CDH17: variants seen among roughly 807,000 people sequenced by gnomAD.
CDH17 encodes cadherin 17, also known as cadherin-17.
CDH17 carries 67 observed loss-of-function variants against 86.3 expected under a neutral mutation model. The ratio of observed to expected loss-of-function variants is 0.78; its 90% CI spans 0.64 to 0.95. The LOEUF (loss-of-function observed/expected upper bound fraction) is 0.95. Ranked by LOEUF, CDH17 falls within the 40% of genes least tolerant of loss-of-function variation. CDH17 has a pLI of 0.00. For missense variants in CDH17, 993 were observed against 1,017.6 expected (o/e 0.98, Z 0.33); for synonymous variants, 367 against 366.4 (o/e 1.00, Z -0.02).
At chr8:94,180,855 A>C (rs1361318749) in intron 3 of CDH17, among the ~76,000 whole-genome samples, 1 of 151,662 alleles carries the variant, frequency 6.6e-6, no homozygotes, top group Non-Finnish European at 1.5e-5. Context: ...AGATTGTGCC[A>C]CTGCATTCCA....
At chr8:94,186,239 C>G (rs1014046609) in intron 3 of CDH17, among the ~76,000 whole-genome samples, 1 of 152,160 alleles carries the variant, frequency 6.6e-6, no homozygotes, top group Admixed American at 6.5e-5. Flanking sequence ...TTCTCTAAAT[C>G]TTTTGCTGTA....
rs1283723399 is a variant in CDH17 at position 94,170,691 on chromosome 8, G to A, written c.916-144C>T. Reference sequence around the variant, plus strand: ...TGGAAAATTTTAAAAACTGAGATGGGTCAGAATTATGTGAAAATTATCATG... The same window carrying A: ...TGGAAAATTTTAAAAACTGAGATGGATCAGAATTATGTGAAAATTATCATG... On this transcript the variant is annotated intron_variant, in intron 8 of 17. Coordinates refer to ENST00000027335, the MANE Select transcript of CDH17 (RefSeq NM_004063.4). The A allele has an allele frequency of 7.6e-6, 10 of 1,322,008 alleles. No individual in the cohort carries two copies. The South Asian group carries it at 8.8e-5, about 12-fold the overall frequency. 81.9% of individuals were successfully genotyped at this position (1,322,008 alleles called of 1,614,324 possible). A position where few individuals can be genotyped will look rare whatever the true frequency, so the allele number is the denominator to read the frequency against.
At chr8:94,173,630 T>G (rs1813310412) in intron 7 of CDH17, among the ~76,000 whole-genome samples, 167 bp downstream of exon 7, 1 of 152,200 alleles carries the variant, frequency 6.6e-6, no homozygotes, top group East Asian at 1.9e-4. Flanking sequence ...CCATGATGCA[T>G]GGTCAAGTCC....
At position 94,144,244 on chromosome 8, in the gene CDH17, C is replaced by A. The variant is rs150674706; in HGVS notation, c.2167+1684G>T. ...GGAGCGTCAGAACGTACGTCGACGT[C>A]GCACTGACAGATTAAGTTTGTCGTC... On this transcript the variant is annotated intron_variant, in intron 15 of 17. Coordinates refer to ENST00000027335, the MANE Select transcript of CDH17 (RefSeq NM_004063.4). 3.7e-3 allele frequency among the ~76,000 whole-genome samples: 569 copies of A among 152,264 alleles called. 2 individuals carry two copies. Among genetic ancestry groups the A allele is most frequent in the African/African-American group, 0.012 (505 of 41,546 alleles).
At chr8:94,153,496 A>T (rs186955903) in intron 12 of CDH17, among the ~76,000 whole-genome samples, 1 of 152,366 alleles carries the variant, frequency 6.6e-6, no homozygotes, top group African/African-American at 2.4e-5. Context: ...ACGATCCAGA[A>T]ATCCCACTAC....
rs994070459 is a variant in CDH17, at chr8:94,165,652, T to C, written c.1282+109A>G. ...TGTGTTTCACAAAGGAAGCAAAGAATGTTTAAATGGCATCATTCTATAACA... is the reference window on the plus strand; with the variant it reads ...TGTGTTTCACAAAGGAAGCAAAGAACGTTTAAATGGCATCATTCTATAACA... On this transcript the variant is annotated intron_variant, in intron 10 of 17. Coordinates refer to ENST00000027335, the MANE Select transcript of CDH17 (RefSeq NM_004063.4). 1.6e-5 allele frequency: 12 copies of C among 773,798 alleles called. No individual in the cohort carries two copies. In the African/African-American group the frequency reaches 1.7e-4, roughly 11 times the overall value. 47.9% of individuals were successfully genotyped at this position (773,798 alleles called of 1,614,324 possible).
At chr8:94,138,507 G>C (rs930949768) in intron 15 of CDH17, among the ~76,000 whole-genome samples, 5 of 152,186 alleles carry the variant, frequency 3.3e-5, no homozygotes, top group African/African-American at 7.2e-5. Context: ...GAGCACAGGA[G>C]TAAGGCAAAG....
In CDH17 at chr8:94,162,170, C is replaced by G. The variant is rs1322318431; in HGVS notation, c.1283-8G>C. On this transcript the variant is annotated splice_polypyrimidine_tract_variant and splice_region_variant and intron_variant, in intron 10 of 17. Coordinates refer to ENST00000027335, the MANE Select transcript of CDH17 (RefSeq NM_004063.4). ...AACAAAGGGTCTTGAAATCTGAAAACCAAAGTCATATGTCATAGAAATTTT... is the reference window on the plus strand; with the variant it reads ...AACAAAGGGTCTTGAAATCTGAAAAGCAAAGTCATATGTCATAGAAATTTT... 1 of 1,575,562 alleles carries G rather than the reference C, an allele frequency of 6.3e-7. No homozygotes were observed. Among genetic ancestry groups the G allele is most frequent in the African/African-American group, 1.3e-5 (1 of 74,206 alleles).
At chr8:94,138,248 A>G (rs749148386) in intron 15 of CDH17, among the ~76,000 whole-genome samples, 4 of 152,184 alleles carry the variant, frequency 2.6e-5, no homozygotes, top group Non-Finnish European at 5.9e-5. Flanking sequence ...GCCCACCTAG[A>G]TAAGATATAG....
At chr8:94,197,829 TAA>T (rs34799637) in intron 1 of CDH17, among the ~76,000 whole-genome samples, 2,519 of 121,318 alleles carry the variant, frequency 0.021, 26 homozygotes, top group Middle Eastern at 0.053. Flanking sequence ...AGACTCTGTC[TAA>T]AAAAAAAAAA....
At chr8:94,205,930 A>C (rs2129655240) in intron 1 of CDH17, among the ~76,000 whole-genome samples, 1 of 152,308 alleles carries the variant, frequency 6.6e-6, no homozygotes, top group African/African-American at 2.4e-5. Flanking sequence ...AAGAGAACTC[A>C]TCTTTAGCTT....
rs892699036 is a variant in CDH17 at position 94,127,566 on chromosome 8, T to C, written c.*674A>G. ...TTTCTTCTCTGACAAATGTTTGAAATTCAGTGAAATACCAAAGGAGTCAAG... is the reference window on the plus strand; with the variant it reads ...TTTCTTCTCTGACAAATGTTTGAAACTCAGTGAAATACCAAAGGAGTCAAG... On this transcript the variant is annotated 3_prime_UTR_variant, in exon 18 of 18. Coordinates refer to ENST00000027335, the MANE Select transcript of CDH17 (RefSeq NM_004063.4). 1 of 152,168 alleles carries C rather than the reference T, an allele frequency of 6.6e-6. No individual in the cohort carries two copies. Among genetic ancestry groups the C allele is most frequent in the Non-Finnish European group, 1.5e-5 (1 of 68,026 alleles). The allele number at this position is 152,168 out of a possible 1,614,324, so 9.4% of individuals were successfully genotyped here.
At chr8:94,175,641 A>T (rs989575919) in intron 5 of CDH17, among the ~76,000 whole-genome samples, 1 of 152,140 alleles carries the variant, frequency 6.6e-6, no homozygotes, top group Non-Finnish European at 1.5e-5. Flanking sequence ...TGCTGGACAC[A>T]CTCACGCCTT....
At chr8:94,136,769 CTTTGGTCTTTGATG>C (rs1812538140) in intron 15 of CDH17, among the ~76,000 whole-genome samples, 1 of 152,154 alleles carries the variant, frequency 6.6e-6, no homozygotes, top group Admixed American at 6.6e-5. Context: ...TTCTCTCCAC[CTTTGGTCTTTGATG>C]TTGGTGACCT....
At chr8:94,168,121 T>TAC (rs1813195822) in intron 9 of CDH17, among the ~76,000 whole-genome samples, 2 of 36,272 alleles carry the variant, frequency 5.5e-5, no homozygotes, top group African/African-American at 2.0e-4. Context: ...TATATATATA[T>TAC]ATATATATAT....
chr8:94,205,335 G>A (rs753555830), intron 1 of CDH17, among the ~76,000 whole-genome samples: 8 of 152,032 alleles, frequency 5.3e-5, no homozygotes, highest in African/African-American at 1.2e-4. Context: ...TAAAGTTTAC[G>A]GATGAGCATT....
At chr8:94,133,807 CTCT>C (rs1290532434) in intron 15 of CDH17, among the ~76,000 whole-genome samples, 3 of 152,238 alleles carry the variant, frequency 2.0e-5, no homozygotes, top group East Asian at 3.9e-4. Context: ...TCATAAATAG[CTCT>C]TATTATTTTG....
rs1483710695 is a variant in CDH17, at chr8:94,165,903, C to A, written c.1140G>T (p.Arg380Ser). The change falls in exon 10 of 18, where the codon AGG becomes AGT. Residue 380 changes from arginine to serine, a missense_variant. Physicochemically the swap from Arg to Ser is moderately radical, Grantham distance 110. Coordinates refer to ENST00000027335, the MANE Select transcript of CDH17 (RefSeq NM_004063.4). ...ENTANSFLNY[R>S]IVEQTPKLPM... ...GAAGTTTGGGAGTTTGCTCCACAAT[C>A]CTGTAGTTTAGAAAACTGTTGGCAG... The A allele has an allele frequency of 1.2e-6, 2 of 1,613,890 alleles. No individual in the cohort carries two copies. Among genetic ancestry groups the A allele is most frequent in the Admixed American group, 3.3e-5 (2 of 59,988 alleles).
intron 1 of CDH17, among the ~76,000 whole-genome samples, chr8:94,213,596 T>C (rs1282571022): frequency 2.0e-5 from 3 of 149,712 alleles, no homozygotes; most frequent in African/African-American, 7.7e-5. Flanking sequence ...TCTTATTGGT[T>C]TTCTGAGACC....
Sources: allele counts gnomAD v4.1 joint callset (sites outside exome capture counted in the v4.1 genomes callset), GRCh38; gene constraint gnomAD v4.1.1; transcripts MANE v1.5; gene names NCBI Gene and HGNC (gene_info 2026-07-23, HGNC 2026-07-21).